PTPRD: variants seen among roughly 807,000 people sequenced by gnomAD.
PTPRD encodes the protein receptor-type tyrosine-protein phosphatase delta.
A neutral mutation model predicts 214.5 loss-of-function variants in PTPRD; 34 were observed. That is an observed-to-expected ratio of 0.16 (90% CI 0.12 to 0.21). The LOEUF (loss-of-function observed/expected upper bound fraction) is 0.21, where lower values mean the gene tolerates loss of function less well. PTPRD is among the 10% of genes least tolerant of loss of function. The probability of loss-of-function intolerance (pLI) is 1.00; values close to 1 mark genes in which losing one functional copy is unlikely to be tolerated. For synonymous variants in PTPRD, 1,128 were observed against 845.7 expected (o/e 1.33, Z -5.79); for missense variants, 2,545 against 2,398.7 (o/e 1.06, Z -1.27).
chr9:9,843,917 G>C (rs968070003), intron 5 of PTPRD, among the ~76,000 whole-genome samples: 1 of 151,974 alleles, frequency 6.6e-6, no homozygotes, highest in Non-Finnish European at 1.5e-5. Flanking sequence ...GGCTCAGTTT[G>C]TGGGCTTAAG....
At chr9:9,843,418 T>G (rs1350819124) in intron 5 of PTPRD, among the ~76,000 whole-genome samples, 2 of 152,010 alleles carry the variant, frequency 1.3e-5, no homozygotes, top group African/African-American at 4.8e-5. Flanking sequence ...TTTTCTTTAT[T>G]GCTAAAGGTT....
chr9:9,393,024 G>C (rs549119417), intron 9 of PTPRD, among the ~76,000 whole-genome samples: 25 of 152,160 alleles, frequency 1.6e-4, no homozygotes, highest in African/African-American at 5.3e-4. Context: ...GTGATGGGGC[G>C]GGAGCTGGTT....
At chr9:9,665,465 T>A (rs1052580777) in intron 7 of PTPRD, among the ~76,000 whole-genome samples, 2 of 151,758 alleles carry the variant, frequency 1.3e-5, no homozygotes, top group Non-Finnish European at 3.0e-5. Context: ...AACTAAAATT[T>A]ATTAGATACT....
intron 2 of PTPRD, among the ~76,000 whole-genome samples, chr9:10,412,999 C>G (rs570921955): frequency 6.6e-6 from 1 of 151,938 alleles, no homozygotes; most frequent in East Asian, 2.0e-4. Context: ...GACCCACAAC[C>G]AACATCATAC....
At chr9:10,308,698 G>C (rs539334860) in intron 3 of PTPRD, among the ~76,000 whole-genome samples, 1 of 152,022 alleles carries the variant, frequency 6.6e-6, no homozygotes, top group Non-Finnish European at 1.5e-5. Flanking sequence ...ATTATCATGG[G>C]ATGTCTTTTC....
chr9:10,106,285 A>T (rs902749228), intron 3 of PTPRD, among the ~76,000 whole-genome samples: 1 of 151,924 alleles, frequency 6.6e-6, no homozygotes, highest in Admixed American at 6.6e-5. Context: ...GATGTCAAAG[A>T]TAATCCACAT....
chr9:9,517,012 A>G (rs943072433), intron 8 of PTPRD, among the ~76,000 whole-genome samples: 1 of 151,550 alleles, frequency 6.6e-6, no homozygotes, highest in African/African-American at 2.4e-5. Context: ...AAATGCTGTA[A>G]CTTGAAATTA....
chr9:8,398,216 T>A (rs1564533830), intron 36 of PTPRD, among the ~76,000 whole-genome samples: 1 of 152,124 alleles, frequency 6.6e-6, no homozygotes, highest in Non-Finnish European at 1.5e-5. Flanking sequence ...CAGGCACTCT[T>A]CTAGGTGCTT....
intron 11 of PTPRD, among the ~76,000 whole-genome samples, chr9:8,775,389 G>T (rs1003573375): frequency 2.6e-5 from 4 of 152,036 alleles, no homozygotes; most frequent in African/African-American, 7.3e-5. Context: ...TGTGGACTAG[G>T]AAATAAACAA....
At chr9:9,971,134 A>C (rs1280108780) in intron 4 of PTPRD, among the ~76,000 whole-genome samples, 1 of 152,182 alleles carries the variant, frequency 6.6e-6, no homozygotes, top group Non-Finnish European at 1.5e-5. Context: ...CAAAAGGAGA[A>C]ATATTAAATA....
In PTPRD at chr9:10,483,750, G is replaced by T. The variant is rs73392260; in HGVS notation, c.-600+128648C>A. Among the ~76,000 whole-genome samples, 838 of 152,168 alleles carry T rather than the reference G, an allele frequency of 5.5e-3. 4 individuals carry two copies. The highest frequency in any genetic ancestry group is 0.02 in the African/African-American group (810 of 41,520). ...ATATCACCTTACTGTAGCCAGCATG[G>T]CCATTATTAAAAAGTCAAAAAACAA... On this transcript the variant is annotated intron_variant, in intron 2 of 45. Transcript: ENST00000381196.
intron 39 of PTPRD, among the ~76,000 whole-genome samples, chr9:8,352,989 C>A (rs1457414940): frequency 6.6e-6 from 1 of 152,012 alleles, no homozygotes; most frequent in Non-Finnish European, 1.5e-5. Context: ...CACATGCCTG[C>A]AGTCCCAGCT....
intron 2 of PTPRD, among the ~76,000 whole-genome samples, chr9:10,388,227 C>A (rs568517455): frequency 7.9e-5 from 12 of 151,772 alleles, no homozygotes; most frequent in African/African-American, 2.7e-4. Flanking sequence ...AGGAAGATAA[C>A]AGAGAAACGT....
intron 11 of PTPRD, among the ~76,000 whole-genome samples, chr9:8,885,041 C>A (rs546932855): frequency 6.6e-6 from 1 of 152,100 alleles, no homozygotes; most frequent in Non-Finnish European, 1.5e-5. Flanking sequence ...ATTAGCATGA[C>A]TATGATAGTG....
At chr9:10,007,509 T>C (rs1291143570) in intron 4 of PTPRD, among the ~76,000 whole-genome samples, 1 of 152,048 alleles carries the variant, frequency 6.6e-6, no homozygotes, top group Admixed American at 6.6e-5. Flanking sequence ...GAAGGCCATC[T>C]GTTTGGATGG....
At chr9:9,798,204 C>T (rs1305147214) in intron 5 of PTPRD, among the ~76,000 whole-genome samples, 1 of 151,862 alleles carries the variant, frequency 6.6e-6, no homozygotes, top group East Asian at 1.9e-4. Context: ...GGGGAGGAAA[C>T]CTTTATTCAT....
chr9:10,487,810 T>G (rs1201673141), intron 2 of PTPRD, among the ~76,000 whole-genome samples: 1 of 150,502 alleles, frequency 6.6e-6, no homozygotes, highest in Non-Finnish European at 1.5e-5. Context: ...GTTCTGCACA[T>G]GCATTCTATT....
chr9:9,796,059 GT>G (rs893103083), intron 5 of PTPRD, among the ~76,000 whole-genome samples: 3 of 151,874 alleles, frequency 2.0e-5, no homozygotes, highest in Non-Finnish European at 2.9e-5. Context: ...GTATTTTTCA[GT>G]TTTTTTAATA....
intron 2 of PTPRD, among the ~76,000 whole-genome samples, chr9:10,473,383 G>C (rs1221660292): frequency 6.6e-6 from 1 of 152,054 alleles, no homozygotes; most frequent in Non-Finnish European, 1.5e-5. Context: ...CTGGATACTA[G>C]CATGTCTCAC....
Sources: allele counts gnomAD v4.1 joint callset (sites outside exome capture counted in the v4.1 genomes callset), GRCh38; gene constraint gnomAD v4.1.1; transcripts MANE v1.5; gene names NCBI Gene and HGNC (gene_info 2026-07-23, HGNC 2026-07-21).